The following CRMP1 variants were observed in gnomAD, a reference collection of about 807,000 sequenced individuals.
CRMP1 encodes dihydropyrimidinase-related protein 1.
A neutral mutation model predicts 68.3 loss-of-function variants in CRMP1; 19 were observed. That is an observed-to-expected ratio of 0.28 (90% confidence interval 0.19 to 0.41). The LOEUF (loss-of-function observed/expected upper bound fraction) is 0.41, where lower values mean the gene tolerates loss of function less well. Ranked by LOEUF, CRMP1 falls within the 10% of genes least tolerant of loss-of-function variation. The pLI is 1.00. For synonymous variants in CRMP1, 439 were observed against 399.6 expected, an observed-to-expected ratio of 1.10 and a Z score of -1.18; for missense variants, 791 against 967.4, an observed-to-expected ratio of 0.82 and a Z score of 2.42.
rs150582407 is a variant in CRMP1 at position 5,849,613 on chromosome 4, A to T, written c.883-141T>A. 126 of 610,720 alleles carry T rather than the reference A, an allele frequency of 2.1e-4. No individual in the cohort carries two copies. In the East Asian group the frequency reaches 3.5e-3, roughly 17 times the overall value. 37.8% of individuals were successfully genotyped at this position (610,720 alleles called of 1,614,324 possible). ...CTGCAAACACATTCATGTGGATGGA[A>T]TACGCTGCTACACAAGTCAGACTTG... On this transcript the variant is annotated intron_variant, in intron 5 of 13. Transcript: ENST00000324989.
intron 13 of CRMP1, chr4:5,824,163 A>C (rs1354850711): frequency 3.6e-6 from 1 of 281,380 alleles, no homozygotes; most frequent in Non-Finnish European, 5.4e-6. Flanking sequence ...TGCAGTGTTT[A>C]ATTGCATAAC....
At position 5,853,819 on chromosome 4, in the gene CRMP1, A is replaced by G. The variant is rs1398798642; in HGVS notation, c.820+2324T>C. ...GCTGTGGAACCCTATGTTAAGGGAAATAAGTCAGGCACAGAAAGGCAAACA... is the reference window on the plus strand; with the variant it reads ...GCTGTGGAACCCTATGTTAAGGGAAGTAAGTCAGGCACAGAAAGGCAAACA... On this transcript the variant is annotated intron_variant, in intron 4 of 13. Coordinates refer to ENST00000324989, the MANE Select transcript of CRMP1 (RefSeq NM_001014809.3). This position sits in a 1 kb window ranked among gnomAD's most constrained non-coding sequence, Gnocchi z 4.7. Among the ~76,000 whole-genome samples, 1 of 152,280 alleles carries G rather than the reference A, an allele frequency of 6.6e-6. No individual in the cohort carries two copies. The highest frequency in any genetic ancestry group is 1.5e-5 in the Non-Finnish European group (1 of 68,052).
Position 5,891,402 on chromosome 4 carries a change from C to A in CRMP1, c.381+1187G>T, listed in dbSNP as rs1482392168. On this transcript the variant is annotated intron_variant, in intron 1 of 13. Coordinates refer to ENST00000324989, the MANE Select transcript of CRMP1 (RefSeq NM_001014809.3). The surrounding 1 kb of genome is among the most constrained non-coding windows in gnomAD (Gnocchi z 5.2). The stretch of plus-strand genomic sequence containing the variant: ...CGATCAAGCTCTGCTTCCCTCCAGG[C>A]TCACTTTGGGTCACTCATAGCATTT... Among the ~76,000 whole-genome samples the A allele has an allele frequency of 2.0e-5, 3 of 152,190 alleles. No individual in the cohort carries two copies. Among genetic ancestry groups the A allele is most frequent in the Non-Finnish European group, 4.4e-5 (3 of 68,022 alleles).
In CRMP1 at chr4:5,870,515, T is replaced by C. The variant is rs1169028717; in HGVS notation, c.382-3759A>G. On this transcript the variant is annotated intron_variant, in intron 1 of 13. Transcript: ENST00000324989. This position sits in a 1 kb window ranked among gnomAD's most constrained non-coding sequence, Gnocchi z 6.0. ...TGAGCTCCACGGAGGCAACGGACTT[T>C]GTCCGTTTTCTTCACTGCTGTCTCT... 6.6e-6 allele frequency among the ~76,000 whole-genome samples: 1 copy of C among 152,358 alleles called. No homozygotes were observed. Among genetic ancestry groups the C allele is most frequent in the East Asian group, 1.9e-4 (1 of 5,176 alleles).
rs1407941675 is a variant in CRMP1 at position 5,860,383 on chromosome 4, C to T, written c.655+643G>A. Among the ~76,000 whole-genome samples the T allele has an allele frequency of 1.3e-5, 2 of 152,200 alleles. No individual in the cohort carries two copies. The highest frequency in any genetic ancestry group is 2.4e-5 in the African/African-American group (1 of 41,458). On this transcript the variant is annotated intron_variant, in intron 3 of 13. Coordinates refer to ENST00000324989, the MANE Select transcript of CRMP1 (RefSeq NM_001014809.3). The surrounding 1 kb of genome is among the most constrained non-coding windows in gnomAD (Gnocchi z 4.2). ...TCCAACCCAAAGCTAAGCACAGCCA[C>T]TCCAGCCCCACTCCCACTCCTGCAC...
chr4:5,824,443 A>G (rs1413795301), intron 13 of CRMP1: 32 of 985,258 alleles, frequency 3.2e-5, no homozygotes, highest in Non-Finnish European at 3.6e-5. Context: ...CTGAATGGAT[A>G]AGAGGTTCTG....
intron 1 of CRMP1, among the ~76,000 whole-genome samples, chr4:5,882,759 G>C (rs193107074): frequency 1.3e-5 from 2 of 152,252 alleles, no homozygotes; most frequent in Admixed American, 6.5e-5. Flanking sequence ...CTTACCTCAA[G>C]AACTTCCAGT....
rs1262877519 is a variant in CRMP1, at chr4:5,853,426, A to G, written c.821-1957T>C. Among the ~76,000 whole-genome samples, 2 of 152,172 alleles carry G rather than the reference A, an allele frequency of 1.3e-5. No homozygotes were observed. Among genetic ancestry groups the G allele is most frequent in the Admixed American group, 6.5e-5 (1 of 15,274 alleles). ...CAGAAGGAAAGAAAGAAAGAGCTGC[A>G]TCTAAGAGATAGCAAGTGTTGATGA... is the stretch of plus-strand genomic sequence containing the variant. On this transcript the variant is annotated intron_variant, in intron 4 of 13. Transcript: ENST00000324989. The surrounding 1 kb of genome is among the most constrained non-coding windows in gnomAD (Gnocchi z 4.7).
Position 5,891,626 on chromosome 4 carries a change from C to G in CRMP1, c.381+963G>C, listed in dbSNP as rs771980475. On this transcript the variant is annotated intron_variant, in intron 1 of 13. Transcript: ENST00000324989. This position sits in a 1 kb window ranked among gnomAD's most constrained non-coding sequence, Gnocchi z 5.2. ...CTAGCGCCTACCCTGGGCCTGGCAC[C>G]TAGCAGTTCTCCGGCATCCAGGTCT... is the stretch of plus-strand genomic sequence containing the variant. 7.2e-5 allele frequency among the ~76,000 whole-genome samples: 11 copies of G among 152,184 alleles called. No homozygotes were observed. The highest frequency in any genetic ancestry group is 1.3e-4 in the Non-Finnish European group (9 of 68,026).
chr4:5,868,275 A>ATATC (rs1379647406), intron 1 of CRMP1, among the ~76,000 whole-genome samples: 25 of 77,632 alleles, frequency 3.2e-4, no homozygotes, highest in African/African-American at 2.0e-3. Flanking sequence ...ATATATATAT[A>ATATC]TATATATATA....
rs1032508918 is a variant in CRMP1, at chr4:5,821,062, G to A, written c.*698C>T. On this transcript the variant is annotated 3_prime_UTR_variant, in exon 14 of 14. Coordinates refer to ENST00000324989, the MANE Select transcript of CRMP1 (RefSeq NM_001014809.3). The surrounding 1 kb of genome is among the most constrained non-coding windows in gnomAD (Gnocchi z 4.4). Reference sequence around the variant, plus strand: ...GCCTGAAGCCTAGAGCTGGCTTGAAGAACACACACAGACCAGAAGACAGCA... The same window carrying A: ...GCCTGAAGCCTAGAGCTGGCTTGAAAAACACACACAGACCAGAAGACAGCA... The A allele has an allele frequency of 6.6e-6, 1 of 152,286 alleles. No individual in the cohort carries two copies. The highest frequency in any genetic ancestry group is 2.4e-5 in the African/African-American group (1 of 41,446). The allele number at this position is 152,286 out of a possible 1,614,324, so 9.4% of individuals were successfully genotyped here.
chr4:5,890,093 C>T lies in CRMP1; in HGVS notation c.381+2496G>A, dbSNP rs180672780. The T allele has an allele frequency of 1.0e-4, 29 of 289,462 alleles. No homozygotes were observed. Among genetic ancestry groups the T allele is most frequent in the Non-Finnish European group, 7.4e-5 (13 of 175,638 alleles). 17.9% of individuals were successfully genotyped at this position (289,462 alleles called of 1,614,324 possible). A position where few individuals can be genotyped will look rare whatever the true frequency, so the allele number is the denominator to read the frequency against. ...CCTGGCTCTCAGCGGGGCCTAAAAT[C>T]CCTGTCAATGACCGGAAATTGCAGA... On this transcript the variant is annotated intron_variant, in intron 1 of 13. Transcript: ENST00000324989. This position sits in a 1 kb window ranked among gnomAD's most constrained non-coding sequence, Gnocchi z 5.5.
chr4:5,822,992 A>G (rs1175864101), intron 13 of CRMP1, among the ~76,000 whole-genome samples: 1 of 152,042 alleles, frequency 6.6e-6, no homozygotes, highest in Non-Finnish European at 1.5e-5. Context: ...ACCCTTTCAT[A>G]CTTTTTCTAA....
rs1715190942 is a variant in CRMP1, at chr4:5,881,078, G to A, written c.381+11511C>T. Among the ~76,000 whole-genome samples the A allele has an allele frequency of 6.6e-6, 1 of 152,230 alleles. No individual in the cohort carries two copies. Among genetic ancestry groups the A allele is most frequent in the Non-Finnish European group, 1.5e-5 (1 of 68,050 alleles). ...TCCTTTATAGAGAATGGACACAGCT[G>A]ATACAAAGGCAGAGGGCCACACATG... On this transcript the variant is annotated intron_variant, in intron 1 of 13. Transcript: ENST00000324989. The surrounding 1 kb of genome is among the most constrained non-coding windows in gnomAD (Gnocchi z 4.6).
Position 5,850,435 on chromosome 4 carries a change from G to A in CRMP1, c.883-963C>T, listed in dbSNP as rs1271833045. ...AGTGTCTTTTGTTGACTGTATCAAA[G>A]GCCTCCAGGACATCTTGGGATAAGT... On this transcript the variant is annotated intron_variant, in intron 5 of 13. Transcript: ENST00000324989. The surrounding 1 kb of genome is among the most constrained non-coding windows in gnomAD (Gnocchi z 4.4). Among the ~76,000 whole-genome samples the A allele has an allele frequency of 1.1e-4, 16 of 152,278 alleles. No homozygotes were observed. Among genetic ancestry groups the A allele is most frequent in the Admixed American group, 1.0e-3 (16 of 15,290 alleles).
At chr4:5,823,159 C>G (rs1467400191) in intron 13 of CRMP1, among the ~76,000 whole-genome samples, 1 of 152,130 alleles carries the variant, frequency 6.6e-6, no homozygotes, top group Non-Finnish European at 1.5e-5. Flanking sequence ...AAGACACCAC[C>G]CCACTCCCTT....
At chr4:5,848,119 A>C (rs1712356390) in intron 6 of CRMP1, among the ~76,000 whole-genome samples, 1 of 150,134 alleles carries the variant, frequency 6.7e-6, no homozygotes, top group Non-Finnish European at 1.5e-5. Context: ...ACTTGCTGAA[A>C]TAGAACCTAG....
At position 5,879,507 on chromosome 4, in the gene CRMP1, G is replaced by A. The variant is rs115778509; in HGVS notation, c.382-12751C>T. Reference sequence around the variant, plus strand: ...GCTTATTCCCACATAGCTTCTTAGCGGGGTGATCTTTGGCAAGATACTTAA... The same window carrying A: ...GCTTATTCCCACATAGCTTCTTAGCAGGGTGATCTTTGGCAAGATACTTAA... On this transcript the variant is annotated intron_variant, in intron 1 of 13. Coordinates refer to ENST00000324989, the MANE Select transcript of CRMP1 (RefSeq NM_001014809.3). The surrounding 1 kb of genome is among the most constrained non-coding windows in gnomAD (Gnocchi z 4.2). Among the ~76,000 whole-genome samples, 651 of 152,278 alleles carry A rather than the reference G, an allele frequency of 4.3e-3. 10 individuals are homozygous for A. Among genetic ancestry groups the A allele is most frequent in the African/African-American group, 0.015 (603 of 41,564 alleles).
intron 5 of CRMP1, 80 bp downstream of exon 5, chr4:5,851,328 T>A: frequency 7.9e-7 from 1 of 1,266,280 alleles, no homozygotes; most frequent in African/African-American, 1.5e-5. Flanking sequence ...CAATCTCCCT[T>A]GCCCTGTGCT....
Sources: allele counts gnomAD v4.1 joint callset (sites outside exome capture counted in the v4.1 genomes callset), GRCh38; gene constraint gnomAD v4.1.1; non-coding constraint Gnocchi (gnomAD v3.1); transcripts MANE v1.5; gene names NCBI Gene and HGNC (gene_info 2026-07-23, HGNC 2026-07-21).